MAP2K1: variants seen among roughly 807,000 people sequenced by gnomAD.
The protein encoded by MAP2K1 is mitogen-activated protein kinase kinase 1, also known as dual specificity mitogen-activated protein kinase kinase 1.
MAP2K1 carries 16 observed loss-of-function variants against 46.3 expected under a neutral mutation model. The ratio of observed to expected loss-of-function variants is 0.35; its 90% confidence interval spans 0.23 to 0.52. The LOEUF is 0.52. Ranked by LOEUF, MAP2K1 falls within the 20% of genes least tolerant of loss-of-function variation. MAP2K1 has a pLI of 0.94. For synonymous variants in MAP2K1, 183 were observed against 185.6 expected, an observed-to-expected ratio of 0.99 and a Z score of 0.11; for missense variants, 263 against 497.1, an observed-to-expected ratio of 0.53 and a Z score of 4.48.
At chr15:66,432,705 A>C (rs1220893257) in intron 1 of MAP2K1, among the ~76,000 whole-genome samples, 1 of 152,208 alleles carries the variant, frequency 6.6e-6, no homozygotes, top group Non-Finnish European at 1.5e-5. Flanking sequence ...TTTTGAAGAT[A>C]ATATAGCATC....
intron 1 of MAP2K1, among the ~76,000 whole-genome samples, chr15:66,415,475 A>G (rs566258804): frequency 2.6e-5 from 4 of 152,352 alleles, no homozygotes; most frequent in South Asian, 4.1e-4. Flanking sequence ...ATGCCCAGCC[A>G]GAAACCTGGC....
chr15:66,418,286 T>G (rs2093429174), intron 1 of MAP2K1, among the ~76,000 whole-genome samples: 1 of 152,146 alleles, frequency 6.6e-6, no homozygotes, highest in East Asian at 1.9e-4. Context: ...GTTCCCTACC[T>G]CCAGACCCAA....
intron 7 of MAP2K1, among the ~76,000 whole-genome samples, chr15:66,486,210 A>T (rs977644428): frequency 1.3e-5 from 2 of 152,196 alleles, no homozygotes; most frequent in Admixed American, 1.3e-4. Context: ...TTTTTTAATC[A>T]TGACTTTTGG....
chr15:66,404,009 G>T (rs1238915709), intron 1 of MAP2K1, among the ~76,000 whole-genome samples: 2 of 152,156 alleles, frequency 1.3e-5, no homozygotes, highest in Non-Finnish European at 2.9e-5. Context: ...CAAAATGCCA[G>T]CCTGTATTTC....
intron 1 of MAP2K1, among the ~76,000 whole-genome samples, chr15:66,398,305 A>G (rs1247366563): frequency 1.3e-5 from 2 of 151,884 alleles, no homozygotes; most frequent in South Asian, 2.1e-4. Context: ...AGTCCCTGCT[A>G]TTTGGGAGGC....
chr15:66,448,657 G>C (rs1891944166), intron 5 of MAP2K1, among the ~76,000 whole-genome samples: 1 of 152,260 alleles, frequency 6.6e-6, no homozygotes, highest in East Asian at 1.9e-4. Flanking sequence ...ATATGGTTCA[G>C]TTTTGTGCAT....
chr15:66,415,000 T>C (rs1003446971), intron 1 of MAP2K1: 3 of 454,484 alleles, frequency 6.6e-6, no homozygotes, highest in Admixed American at 2.4e-5. Context: ...GAAGAGCACG[T>C]AGCTTGCCAG....
rs917381837 is a variant in MAP2K1 at position 66,453,567 on chromosome 15, C to T, written c.568+8860C>T. 5 of 702,200 alleles carry T rather than the reference C, an allele frequency of 7.1e-6. No homozygotes were observed. The African/African-American group carries it at 8.7e-5, about 12-fold the overall frequency. The allele number at this position is 702,200 out of a possible 1,614,324, so 43.5% of individuals were successfully genotyped here. A position where few individuals can be genotyped will look rare whatever the true frequency, so the allele number is the denominator to read the frequency against. ...CAGTGAGTAGGTGATTCCTGGAAACCTGAGTTCAGGTGAAAATGAGAGAGA... is the reference window on the plus strand; with the variant it reads ...CAGTGAGTAGGTGATTCCTGGAAACTTGAGTTCAGGTGAAAATGAGAGAGA... On this transcript the variant is annotated intron_variant, in intron 5 of 10. Coordinates refer to ENST00000307102, the MANE Select transcript of MAP2K1 (RefSeq NM_002755.4).
intron 5 of MAP2K1, among the ~76,000 whole-genome samples, chr15:66,453,280 C>T (rs1244639921): frequency 1.3e-5 from 2 of 152,206 alleles, no homozygotes; most frequent in Non-Finnish European, 2.9e-5. Flanking sequence ...TTTTTGGCTT[C>T]ACCAATTGTT....
chr15:66,454,751 C>T (rs761222115), intron 5 of MAP2K1, among the ~76,000 whole-genome samples: 90 of 152,102 alleles, frequency 5.9e-4, no homozygotes, highest in Admixed American at 2.4e-3. Context: ...GGCGTGGTGC[C>T]GTGCGCCTGT....
intron 1 of MAP2K1, among the ~76,000 whole-genome samples, chr15:66,390,264 A>G (rs1479688947): frequency 2.0e-5 from 3 of 152,212 alleles, no homozygotes; most frequent in Non-Finnish European, 4.4e-5. Flanking sequence ...TGAGAGGGAA[A>G]GCTGTACACA....
intron 1 of MAP2K1, among the ~76,000 whole-genome samples, chr15:66,395,556 C>T (rs1450394698): frequency 6.7e-6 from 1 of 149,822 alleles, no homozygotes; most frequent in Non-Finnish European, 1.5e-5. Context: ...AAATGCCCTC[C>T]TCCACTTTCT....
chr15:66,444,851 TTGG>T, intron 5 of MAP2K1, 144 bp downstream of exon 5: 1 of 748,214 alleles, frequency 1.3e-6, no homozygotes, highest in Non-Finnish European at 2.3e-6. Flanking sequence ...TTTGTTTAGT[TTGG>T]TGGCTGAGGC....
intron 7 of MAP2K1, among the ~76,000 whole-genome samples, chr15:66,485,424 C>T (rs1893014711): frequency 6.6e-6 from 1 of 152,142 alleles, no homozygotes; most frequent in African/African-American, 2.4e-5. Flanking sequence ...GCACTTAGGA[C>T]TTTATACATT....
At chr15:66,427,144 A>G (rs1445252990) in intron 1 of MAP2K1, among the ~76,000 whole-genome samples, 1 of 152,252 alleles carries the variant, frequency 6.6e-6, no homozygotes, top group Non-Finnish European at 1.5e-5. Context: ...AAATGTGATA[A>G]TAAGTAAAAA....
intron 1 of MAP2K1, among the ~76,000 whole-genome samples, chr15:66,406,087 A>G (rs958262796): frequency 3.9e-5 from 6 of 152,266 alleles, no homozygotes; most frequent in African/African-American, 1.4e-4. Flanking sequence ...TGTTAAGAGT[A>G]AGATGTATTA....
At position 66,430,202 on chromosome 15, in the gene MAP2K1, T is replaced by C. The variant is rs150574916; in HGVS notation, c.81-4825T>C. On this transcript the variant is annotated intron_variant, in intron 1 of 10. Coordinates refer to ENST00000307102, the MANE Select transcript of MAP2K1 (RefSeq NM_002755.4). The stretch of plus-strand genomic sequence containing the variant: ...TCTCTTTTGCCTCTCCTTTCCTCTT[T>C]CCCTGCTACTTGACTTGTTTCCTAC... Among the ~76,000 whole-genome samples the C allele has an allele frequency of 1.6e-4, 24 of 152,286 alleles. No individual in the cohort carries two copies. In the East Asian group the frequency reaches 2.1e-3, roughly 13 times the overall value.
At chr15:66,447,746 A>G (rs1259866351) in intron 5 of MAP2K1, among the ~76,000 whole-genome samples, 2 of 152,006 alleles carry the variant, frequency 1.3e-5, no homozygotes, top group Non-Finnish European at 2.9e-5. Context: ...CATTTTCTCA[A>G]GTTTTCAGTG....
intron 5 of MAP2K1, among the ~76,000 whole-genome samples, chr15:66,462,680 G>C (rs1025202640): frequency 1.8e-4 from 27 of 152,102 alleles, no homozygotes; most frequent in African/African-American, 6.5e-4. Flanking sequence ...AAACCTCAAG[G>C]GTTCCAAGGA....
Sources: gnomAD v4.1 joint callset for allele counts (sites outside exome capture counted in the v4.1 genomes callset) on GRCh38, gnomAD v4.1.1 for gene constraint, MANE v1.5 for transcripts, NCBI Gene and HGNC (gene_info 2026-07-23, HGNC 2026-07-21) for gene names.